Variants in EPHA5 observed in about 807,000 individuals in gnomAD.
EPHA5 encodes EPH receptor A5.
Under a neutral mutation model 105.0 loss-of-function variants are expected in EPHA5, and 60 were observed. That is an observed-to-expected ratio of 0.57 (90% CI 0.46 to 0.71). The LOEUF is 0.71. Ranked by LOEUF, EPHA5 falls within the 30% of genes least tolerant of loss-of-function variation. The pLI is 0.00. For synonymous variants in EPHA5, 513 were observed against 449.1 expected, an observed-to-expected ratio of 1.14 and a Z score of -1.80; for missense variants, 1,218 against 1,274.7, an observed-to-expected ratio of 0.96 and a Z score of 0.68.
intron 3 of EPHA5, among the ~76,000 whole-genome samples, chr4:65,524,153 T>A (rs1374511291): frequency 1.3e-5 from 2 of 151,848 alleles, no homozygotes; most frequent in Admixed American, 1.3e-4. Flanking sequence ...ACAAGAGGAA[T>A]GAGATTTTTA....
At chr4:65,625,621 A>G (rs918172854) in intron 2 of EPHA5, among the ~76,000 whole-genome samples, 5 of 152,192 alleles carry the variant, frequency 3.3e-5, no homozygotes, top group Non-Finnish European at 7.3e-5. Context: ...TTTGCAAAAG[A>G]ACATGGAAAA....
At chr4:65,394,370 A>C (rs1158778543) in intron 8 of EPHA5, among the ~76,000 whole-genome samples, 1 of 152,208 alleles carries the variant, frequency 6.6e-6, no homozygotes, top group Non-Finnish European at 1.5e-5. Context: ...AAAGGCCCTG[A>C]CGTCAGAGCT....
intron 2 of EPHA5, among the ~76,000 whole-genome samples, chr4:65,613,496 C>A (rs1483940577): frequency 2.0e-5 from 3 of 152,008 alleles, no homozygotes; most frequent in Non-Finnish European, 2.9e-5. Context: ...TTGATTCTTC[C>A]AATCCATAAG....
At chr4:65,383,531 C>T (rs1424280458) in intron 8 of EPHA5, among the ~76,000 whole-genome samples, 6 of 151,736 alleles carry the variant, frequency 4.0e-5, no homozygotes, top group Admixed American at 2.6e-4. Context: ...TTATCTTTGG[C>T]AAGAACATTA....
chr4:65,545,713 G>A (rs1346615846), intron 3 of EPHA5, among the ~76,000 whole-genome samples: 1 of 151,914 alleles, frequency 6.6e-6, no homozygotes, highest in Non-Finnish European at 1.5e-5. Context: ...AAGTGGTAAA[G>A]CTGTTATATA....
At chr4:65,343,222 C>T (rs1447342698) in intron 14 of EPHA5, among the ~76,000 whole-genome samples, 4 of 152,090 alleles carry the variant, frequency 2.6e-5, no homozygotes, top group Admixed American at 6.5e-5. Context: ...AATAAATAGG[C>T]TTCTACTGAC....
At chr4:65,359,645 T>C (rs1717082537) in intron 11 of EPHA5, among the ~76,000 whole-genome samples, 1 of 151,586 alleles carries the variant, frequency 6.6e-6, no homozygotes, top group Non-Finnish European at 1.5e-5. Context: ...CAAGAAGGTT[T>C]ACTGTGATTG....
intron 5 of EPHA5, among the ~76,000 whole-genome samples, chr4:65,456,743 T>C (rs200073850): frequency 9.3e-4 from 104 of 111,358 alleles, no homozygotes; most frequent in African/African-American, 2.4e-3. Context: ...CACACACACA[T>C]ACACATTGCT....
chr4:65,470,258 T>C (rs917392271), intron 5 of EPHA5, among the ~76,000 whole-genome samples: 2 of 151,642 alleles, frequency 1.3e-5, no homozygotes, highest in Admixed American at 6.6e-5. Flanking sequence ...AGTGGCATGA[T>C]CTTGGCTCAC....
chr4:65,585,479 A>G (rs947710901), intron 3 of EPHA5, among the ~76,000 whole-genome samples: 1 of 151,854 alleles, frequency 6.6e-6, no homozygotes, highest in African/African-American at 2.4e-5. Context: ...AGAGTGTTTT[A>G]ATTGACCTTA....
chr4:65,532,660 T>C (rs1735919424), intron 3 of EPHA5, among the ~76,000 whole-genome samples: 1 of 142,692 alleles, frequency 7.0e-6, no homozygotes, highest in Non-Finnish European at 1.5e-5. Flanking sequence ...TCACCAGCTG[T>C]ATTGGTTACA....
chr4:65,627,758 T>C (rs1306465878), intron 2 of EPHA5, among the ~76,000 whole-genome samples: 2 of 152,170 alleles, frequency 1.3e-5, no homozygotes, highest in Non-Finnish European at 2.9e-5. Context: ...CAATTATTCA[T>C]CTTTATCACC....
chr4:65,610,483 G>A (rs1744665673), intron 2 of EPHA5, among the ~76,000 whole-genome samples: 2 of 151,784 alleles, frequency 1.3e-5, no homozygotes, highest in Admixed American at 6.6e-5. Context: ...GTTTCCCCAT[G>A]TAACAAACCT....
intron 5 of EPHA5, among the ~76,000 whole-genome samples, chr4:65,481,924 C>T (rs1344983699): frequency 6.6e-6 from 1 of 152,186 alleles, no homozygotes; most frequent in Non-Finnish European, 1.5e-5. Context: ...AGTTCAGACA[C>T]TTGGAGTTCT....
At chr4:65,628,939 A>C (rs1439032597) in intron 2 of EPHA5, among the ~76,000 whole-genome samples, 1 of 152,180 alleles carries the variant, frequency 6.6e-6, no homozygotes, top group Non-Finnish European at 1.5e-5. Context: ...ACTGTAGAGT[A>C]GAACATATGA....
At chr4:65,632,633 T>C (rs1746756768) in intron 2 of EPHA5, among the ~76,000 whole-genome samples, 1 of 151,746 alleles carries the variant, frequency 6.6e-6, no homozygotes, top group Admixed American at 6.6e-5. Flanking sequence ...CTGATATAGG[T>C]AATGCAAATT....
intron 5 of EPHA5, among the ~76,000 whole-genome samples, chr4:65,453,674 T>TC (rs1319297430): frequency 6.6e-6 from 1 of 151,852 alleles, no homozygotes; most frequent in Non-Finnish European, 1.5e-5. Context: ...CCGCACATGC[T>TC]CCCCCGACCA....
At chr4:65,569,152 GAC>G (rs1739863148) in intron 3 of EPHA5, among the ~76,000 whole-genome samples, 1 of 151,314 alleles carries the variant, frequency 6.6e-6, no homozygotes. Context: ...AATATTAAAA[GAC>G]ACAAAAAAAT....
At chr4:65,510,717 G>T (rs533701199) in intron 3 of EPHA5, among the ~76,000 whole-genome samples, 9 of 152,278 alleles carry the variant, frequency 5.9e-5, no homozygotes, top group African/African-American at 2.2e-4. Flanking sequence ...CTGCCTTGGT[G>T]TCTGTCCACT....
Sources: gnomAD v4.1 joint callset for allele counts (sites outside exome capture counted in the v4.1 genomes callset) on GRCh38, gnomAD v4.1.1 for gene constraint, MANE v1.5 for transcripts, NCBI Gene and HGNC (gene_info 2026-07-23, HGNC 2026-07-21) for gene names.